The following RPH3AL variants were observed in gnomAD, a reference collection of about 807,000 sequenced individuals.
RPH3AL encodes the protein rabphilin 3A like (without C2 domains).
Under a neutral mutation model 43.1 loss-of-function variants are expected in RPH3AL, and 38 were observed. The observed-to-expected ratio is 0.88, with a 90% CI of 0.68 to 1.15. The LOEUF (loss-of-function observed/expected upper bound fraction) is 1.15, where lower values mean the gene tolerates loss of function less well. Among genes scored for constraint, RPH3AL ranks in the 50% most tolerant of loss-of-function variants. RPH3AL has a pLI of 0.00. For synonymous variants in RPH3AL, 189 were observed against 176.3 expected (o/e 1.07, Z -0.57); for missense variants, 462 against 423.2 (o/e 1.09, Z -0.81).
intron 6 of RPH3AL, among the ~76,000 whole-genome samples, chr17:280,964 G>A (rs1212901842): frequency 1.3e-5 from 2 of 152,178 alleles, no homozygotes; most frequent in Admixed American, 6.5e-5. Context: ...TGATCTGGAA[G>A]ACCAGCTGCA....
rs74769970 is a variant in RPH3AL, at chr17:286,792, C to T, written c.352-4938G>A. Among the ~76,000 whole-genome samples the T allele has an allele frequency of 6.5e-3, 985 of 152,296 alleles. 18 individuals are homozygous for T. Among genetic ancestry groups the T allele is most frequent in the African/African-American group, 0.022 (917 of 41,556 alleles). On this transcript the variant is annotated intron_variant, in intron 5 of 9. Coordinates refer to ENST00000331302, the MANE Select transcript of RPH3AL (RefSeq NM_006987.4). ...CCAGGGCAAGCGAGTCCTGGCTTCCCGGGCTTGGCTGCCTCATGCACCCTG... is the reference window on the plus strand; with the variant it reads ...CCAGGGCAAGCGAGTCCTGGCTTCCTGGGCTTGGCTGCCTCATGCACCCTG...
chr17:216,785 C>T (rs1255973353), intron 8 of RPH3AL, among the ~76,000 whole-genome samples: 3 of 152,176 alleles, frequency 2.0e-5, no homozygotes, highest in African/African-American at 7.2e-5. Flanking sequence ...GAAAACTGCA[C>T]TGAGGAGGAT....
chr17:285,292 G>A (rs774486319), intron 5 of RPH3AL, among the ~76,000 whole-genome samples: 44 of 152,148 alleles, frequency 2.9e-4, no homozygotes, highest in Non-Finnish European at 5.3e-4. Context: ...ACGGCACGGC[G>A]CACAGGTTTG....
intron 7 of RPH3AL, among the ~76,000 whole-genome samples, chr17:244,686 T>C (rs898355529): frequency 6.6e-6 from 1 of 152,116 alleles, no homozygotes; most frequent in Non-Finnish European, 1.5e-5. Context: ...ATCCAGAGGA[T>C]CCACACTCTA....
intron 1 of RPH3AL, among the ~76,000 whole-genome samples, chr17:349,729 C>T (rs1209553781): frequency 2.6e-5 from 4 of 152,172 alleles, no homozygotes; most frequent in Non-Finnish European, 5.9e-5. Flanking sequence ...AATAATGCTT[C>T]TCCTCCACCT....
chr17:335,877 T>G (rs1258749662), intron 1 of RPH3AL: 1 of 151,940 alleles, frequency 6.6e-6, no homozygotes, highest in African/African-American at 2.4e-5. Context: ...AGGGCTGGGT[T>G]GAAAAGGGGC....
chr17:230,762 C>T (rs947489124), intron 7 of RPH3AL, among the ~76,000 whole-genome samples: 2 of 152,226 alleles, frequency 1.3e-5, no homozygotes, highest in African/African-American at 2.4e-5. Flanking sequence ...TCGGGTGCAT[C>T]CTGACTCCAG....
intron 6 of RPH3AL, among the ~76,000 whole-genome samples, chr17:270,519 C>T (rs1467619734): frequency 1.3e-5 from 2 of 152,006 alleles, no homozygotes; most frequent in Admixed American, 1.3e-4. Context: ...CAGTGGGCTG[C>T]TGGTCACCTC....
In RPH3AL at chr17:328,238, C is replaced by T. The variant is rs2044663940; in HGVS notation, c.-36-659G>A. On this transcript the variant is annotated intron_variant, in intron 2 of 9. Transcript: ENST00000331302. The surrounding 1 kb of genome is among the most constrained non-coding windows in gnomAD (Gnocchi z 4.2). ...GCTCCAGGACCCCCTGAGGGCTTCA[C>T]CTGTGCACTGTCTAGTGTGCCGGCT... 6.6e-6 allele frequency among the ~76,000 whole-genome samples: 1 copy of T among 151,776 alleles called. No homozygotes were observed. Among genetic ancestry groups the T allele is most frequent in the Non-Finnish European group, 1.5e-5 (1 of 67,938 alleles).
chr17:337,787 C>T (rs574079288), intron 1 of RPH3AL, among the ~76,000 whole-genome samples: 1 of 152,192 alleles, frequency 6.6e-6, no homozygotes, highest in Non-Finnish European at 1.5e-5. Flanking sequence ...TTTTTTTGTA[C>T]CCCGGCAAGG....
At chr17:327,768 C>CATG (rs1370432051) in intron 2 of RPH3AL, among the ~76,000 whole-genome samples, 189 bp from the exon 3 acceptor site, 1 of 152,224 alleles carries the variant, frequency 6.6e-6, no homozygotes, top group African/African-American at 2.4e-5. Flanking sequence ...CTTCAGAAGG[C>CATG]TCATGATTCT....
intron 6 of RPH3AL, among the ~76,000 whole-genome samples, chr17:258,311 G>A (rs1182639670): frequency 5.3e-5 from 8 of 152,300 alleles, no homozygotes; most frequent in East Asian, 3.9e-4. Context: ...TTCAGTAAAC[G>A]CTGGTTGAAT....
rs142095193 is a variant in RPH3AL at position 245,475 on chromosome 17, G to A, written c.613+1636C>T. On this transcript the variant is annotated intron_variant, in intron 7 of 9. Coordinates refer to ENST00000331302, the MANE Select transcript of RPH3AL (RefSeq NM_006987.4). The surrounding 1 kb of genome is among the most constrained non-coding windows in gnomAD (Gnocchi z 5.9). ...TGCGGTTGTGTTTGTGTGCGTGGAT[G>A]TGAGTGTGTGTGTATGCCCTGACTT... Among the ~76,000 whole-genome samples the A allele has an allele frequency of 1.1e-3, 174 of 151,942 alleles. No homozygotes were observed. The highest frequency in any genetic ancestry group is 4.1e-3 in the African/African-American group (170 of 41,426).
Position 258,151 on chromosome 17 carries a change from G to T in RPH3AL, c.439-10866C>A, listed in dbSNP as rs546910580. ...GATCACGTTTTGTCGTCTGTTCATA[G>T]GTACGTGGGGTGCTTCCCCCTTTTC... is the stretch of plus-strand genomic sequence containing the variant. On this transcript the variant is annotated intron_variant, in intron 6 of 9. Transcript: ENST00000331302. Among the ~76,000 whole-genome samples the T allele has an allele frequency of 2.6e-5, 4 of 152,328 alleles. No homozygotes were observed. In the South Asian group the frequency reaches 8.3e-4, roughly 32 times the overall value.
intron 9 of RPH3AL, among the ~76,000 whole-genome samples, chr17:214,129 G>A (rs2040736027): frequency 6.6e-6 from 1 of 152,226 alleles, no homozygotes; most frequent in East Asian, 1.9e-4. Context: ...GCCCCTCTGG[G>A]CTTCAGGCCC....
intron 6 of RPH3AL, among the ~76,000 whole-genome samples, chr17:249,847 C>A (rs1555541630): frequency 6.8e-6 from 1 of 147,294 alleles, no homozygotes; most frequent in Non-Finnish European, 1.5e-5. Context: ...GGGGCCTTTA[C>A]CAAGCTCCGT....
chr17:317,325 C>T (rs1163940623), intron 5 of RPH3AL, among the ~76,000 whole-genome samples: 3 of 143,838 alleles, frequency 2.1e-5, no homozygotes, highest in Non-Finnish European at 4.6e-5. Flanking sequence ...AGTCCATGTG[C>T]CCCACCTCCA....
Position 343,530 on chromosome 17 carries a change from G to A in RPH3AL, c.-213+9182C>T, listed in dbSNP as rs79189499. On this transcript the variant is annotated intron_variant, in intron 1 of 9. Coordinates refer to ENST00000331302, the MANE Select transcript of RPH3AL (RefSeq NM_006987.4). ...TATCTGAGGTTTGCATTCTGGCTGCGAATTATGAGCTTGGTGACCTTGGGC... is the reference window on the plus strand; with the variant it reads ...TATCTGAGGTTTGCATTCTGGCTGCAAATTATGAGCTTGGTGACCTTGGGC... Among the ~76,000 whole-genome samples, 1,060 of 152,290 alleles carry A rather than the reference G, an allele frequency of 7.0e-3. 11 individuals carry two copies. Among genetic ancestry groups the A allele is most frequent in the Middle Eastern group, 0.034 (10 of 294 alleles).
chr17:226,723 A>G (rs1341618162), intron 7 of RPH3AL, among the ~76,000 whole-genome samples: 1 of 152,144 alleles, frequency 6.6e-6, no homozygotes, highest in Non-Finnish European at 1.5e-5. Flanking sequence ...GTAAAACTCA[A>G]ACTTCGGCTA....
Sources: allele counts gnomAD v4.1 joint callset (sites outside exome capture counted in the v4.1 genomes callset), GRCh38; gene constraint gnomAD v4.1.1; non-coding constraint Gnocchi (gnomAD v3.1); transcripts MANE v1.5; gene names NCBI Gene and HGNC (gene_info 2026-07-23, HGNC 2026-07-21).